The following DENND5B variants were observed in gnomAD, a reference collection of about 807,000 sequenced individuals.
DENND5B encodes DENN domain containing 5B.
DENND5B carries 34 observed loss-of-function variants against 140.6 expected under a neutral mutation model. The ratio of observed to expected loss-of-function variants is 0.24; its 90% CI spans 0.18 to 0.32. The LOEUF (loss-of-function observed/expected upper bound fraction) is 0.32, where lower values mean the gene tolerates loss of function less well. DENND5B is among the 10% of genes least tolerant of loss of function. DENND5B has a pLI of 1.00. For synonymous variants in DENND5B, 551 were observed against 562.1 expected (o/e 0.98, Z 0.28); for missense variants, 1,142 against 1,560.2 (o/e 0.73, Z 4.52).
chr12:31,571,270 C>T (rs1282933729), intron 1 of DENND5B, among the ~76,000 whole-genome samples: 1 of 152,192 alleles, frequency 6.6e-6, no homozygotes, highest in Non-Finnish European at 1.5e-5. Flanking sequence ...CAAATCGGAC[C>T]AGTAAGATAG....
chr12:31,396,496 A>G (rs181277035), intron 17 of DENND5B: 2 of 152,456 alleles, frequency 1.3e-5, no homozygotes, highest in African/African-American at 4.8e-5. Flanking sequence ...AGCATTCCAT[A>G]TTTTTCTCAA....
intron 1 of DENND5B, among the ~76,000 whole-genome samples, chr12:31,508,909 G>A (rs1022573906): frequency 3.3e-5 from 5 of 152,072 alleles, no homozygotes; most frequent in Non-Finnish European, 5.9e-5. Flanking sequence ...ACTACCTAAC[G>A]TACTTTTTTG....
chr12:31,578,049 C>T (rs1022053293), intron 1 of DENND5B, among the ~76,000 whole-genome samples: 5 of 150,180 alleles, frequency 3.3e-5, no homozygotes, highest in African/African-American at 9.8e-5. Flanking sequence ...ACTGCGTAAG[C>T]CCAGAAAGTG....
At chr12:31,405,461 G>C (rs557809765) in intron 14 of DENND5B, among the ~76,000 whole-genome samples, 1 of 151,762 alleles carries the variant, frequency 6.6e-6, no homozygotes, top group African/African-American at 2.4e-5. Flanking sequence ...CAAGAGATCT[G>C]CCTGCCTTGG....
intron 10 of DENND5B, 57 bp downstream of exon 10, chr12:31,424,478 C>A (rs1477962770): frequency 1.3e-6 from 2 of 1,495,790 alleles, no homozygotes; most frequent in African/African-American, 1.4e-5. Context: ...CTCCTTGTTA[C>A]ATTTCTTAAC....
At chr12:31,496,703 T>C (rs995944863) in intron 1 of DENND5B, among the ~76,000 whole-genome samples, 2 of 151,914 alleles carry the variant, frequency 1.3e-5, no homozygotes, top group Non-Finnish European at 2.9e-5. Context: ...GTTTCTTTTC[T>C]TCCTATTTTT....
At chr12:31,402,733 T>C (rs78851740) in intron 14 of DENND5B, 90 bp from the exon 15 acceptor site, 35,548 of 1,433,224 alleles carry the variant, frequency 0.025, 580 homozygotes, top group South Asian at 0.056. Flanking sequence ...TTGGTTTTCA[T>C]TGATAATTTG....
intron 1 of DENND5B, among the ~76,000 whole-genome samples, chr12:31,533,363 T>C (rs1948360731): frequency 6.6e-6 from 1 of 152,234 alleles, no homozygotes; most frequent in African/African-American, 2.4e-5. Flanking sequence ...CTATTGTAAG[T>C]AATCTAGAAA....
At chr12:31,522,895 G>A (rs17497656) in intron 1 of DENND5B, among the ~76,000 whole-genome samples, 20,368 of 151,902 alleles carry the variant, frequency 0.13, 1,616 homozygotes, top group Non-Finnish European at 0.18. Context: ...TTTTATTGAG[G>A]GTGGCTTCAT....
At chr12:31,521,117 T>A (rs1001573366) in intron 1 of DENND5B, among the ~76,000 whole-genome samples, 1 of 151,726 alleles carries the variant, frequency 6.6e-6, no homozygotes, top group African/African-American at 2.4e-5. Context: ...TTTTTTTTTT[T>A]AATTTCATCA....
At chr12:31,432,920 TA>T in intron 8 of DENND5B, 1 of 458,642 alleles carries the variant, frequency 2.2e-6, no homozygotes, top group Non-Finnish European at 3.9e-6. Flanking sequence ...TTACTTGATG[TA>T]ATACACAGAA....
rs1944329531 is a variant in DENND5B at position 31,447,642 on chromosome 12, A to T, written c.1757T>A (p.Leu586His). 2 of 1,613,862 alleles carry T rather than the reference A, an allele frequency of 1.2e-6. No homozygotes were observed. Among genetic ancestry groups the T allele is most frequent in the Non-Finnish European group, 1.7e-6 (2 of 1,179,884 alleles). ...MSQWEEKDPLLRVFDTRIDKI... is the reference protein window; with the variant it reads ...MSQWEEKDPLHRVFDTRIDKI... ...ATCAATCCGAGTGTCAAAGACCCGA[A>T]GCAAAGGATCTTTCTCTTCCCACTG... The change falls in exon 6 of 21, where the codon CTT (leucine) becomes CAT (histidine). Residue 586 changes from leucine (L) to histidine (H), a missense_variant. This residue lies in a region of DENND5B where 708 missense variants were observed against 905.5 expected (regional missense o/e 0.78). Transcript: ENST00000389082.
chr12:31,405,015 C>A (rs2682700), intron 14 of DENND5B, among the ~76,000 whole-genome samples: 53,073 of 151,690 alleles, frequency 0.35, 10,528 homozygotes, highest in Non-Finnish European at 0.47. Context: ...TCACCTCGGC[C>A]TCCCAAAGTG....
At chr12:31,419,828 C>T (rs1192682992) in intron 11 of DENND5B, among the ~76,000 whole-genome samples, 3 of 152,050 alleles carry the variant, frequency 2.0e-5, no homozygotes, top group East Asian at 1.9e-4. Flanking sequence ...GAAAAATTCA[C>T]CAGGTGTGGT....
chr12:31,541,316 TA>T (rs1360867325), intron 1 of DENND5B, among the ~76,000 whole-genome samples: 1 of 152,106 alleles, frequency 6.6e-6, no homozygotes, highest in East Asian at 1.9e-4. Context: ...GGCAAGGGAT[TA>T]ATATCCAAAA....
chr12:31,463,737 C>G (rs916115820), intron 3 of DENND5B, among the ~76,000 whole-genome samples: 2 of 152,184 alleles, frequency 1.3e-5, no homozygotes, highest in Non-Finnish European at 2.9e-5. Flanking sequence ...TCTTGGATCA[C>G]TGCAACCTCC....
intron 1 of DENND5B, among the ~76,000 whole-genome samples, chr12:31,583,669 C>T (rs1021036990): frequency 1.3e-5 from 2 of 150,386 alleles, no homozygotes; most frequent in African/African-American, 4.9e-5. Context: ...CAGAGCAAGA[C>T]TGTGTCTGGG....
intron 1 of DENND5B, among the ~76,000 whole-genome samples, chr12:31,551,169 T>C (rs978171589): frequency 5.9e-5 from 9 of 152,150 alleles, no homozygotes; most frequent in Non-Finnish European, 1.0e-4. Flanking sequence ...TTGCCTAGGT[T>C]TTCTTCTAGG....
chr12:31,575,871 C>T (rs762546289), intron 1 of DENND5B, among the ~76,000 whole-genome samples: 2 of 152,096 alleles, frequency 1.3e-5, no homozygotes, highest in Non-Finnish European at 2.9e-5. Flanking sequence ...GAGGCTGAGG[C>T]ATGAGAATTA....
Sources: allele counts gnomAD v4.1 joint callset (sites outside exome capture counted in the v4.1 genomes callset), GRCh38; gene constraint gnomAD v4.1.1; regional missense constraint gnomAD v4.1.1; transcripts MANE v1.5; gene names NCBI Gene and HGNC (gene_info 2026-07-23, HGNC 2026-07-21).